The following PPARGC1A variants were observed in gnomAD, a reference collection of about 807,000 sequenced individuals.
The protein encoded by PPARGC1A is PPARG coactivator 1 alpha, also known as peroxisome proliferator-activated receptor gamma coactivator 1-alpha.
Under a neutral mutation model 88.7 loss-of-function variants are expected in PPARGC1A, and 25 were observed. The ratio of observed to expected loss-of-function variants is 0.28; its 90% CI spans 0.21 to 0.39. PPARGC1A has a LOEUF of 0.39. Among genes scored for constraint, PPARGC1A ranks in the 10% least tolerant of loss-of-function variants. The pLI is 1.00. For synonymous variants in PPARGC1A, 363 were observed against 355.6 expected (o/e 1.02, Z -0.24); for missense variants, 880 against 968.7 (o/e 0.91, Z 1.22).
intron 2 of PPARGC1A, chr4:23,877,964 A>G (rs1397444303): frequency 3.3e-5 from 5 of 152,174 alleles, no homozygotes; most frequent in African/African-American, 9.7e-5. Context: ...AGTTTGTCCA[A>G]TGCAGCACCC....
intron 2 of PPARGC1A, among the ~76,000 whole-genome samples, chr4:23,837,986 T>C (rs1726344865): frequency 6.6e-6 from 1 of 152,212 alleles, no homozygotes; most frequent in Non-Finnish European, 1.5e-5. Flanking sequence ...AGTCAAAATT[T>C]AAAGAAAACT....
the PPARGC1A span, among the ~76,000 whole-genome samples, chr4:24,063,553 A>G: frequency 6.6e-6 from 1 of 152,206 alleles, no homozygotes; most frequent in Admixed American, 6.5e-5. Context: ...CTCAGCCGAC[A>G]TCCCAGGTTC....
chr4:23,814,027 C>T lies in PPARGC1A; in HGVS notation c.1456G>A (p.Asp486Asn), dbSNP rs547916756. The T allele has an allele frequency of 1.5e-5, 25 of 1,614,044 alleles. No homozygotes were observed. The Middle Eastern group carries it at 5.0e-4, about 32-fold the overall frequency. Residue 486 changes from aspartate (D) to asparagine (N), a missense_variant, in exon 8 of 13, where the codon GAC becomes AAC. By Grantham distance (23) the Asp-to-Asn change is conservative. Transcript: ENST00000264867. ...AATTGTTCATTACTGAAATCACTGT[C>T]CCTCAGTTCACCGGTCTTGTCTGCT... ...DEADKTGELR[D>N]SDFSNEQFSK...
the PPARGC1A span, among the ~76,000 whole-genome samples, chr4:24,373,316 G>A: frequency 6.6e-6 from 1 of 152,192 alleles, no homozygotes; most frequent in South Asian, 2.1e-4. Flanking sequence ...AGCTTTGGCA[G>A]GGCCATGGAA....
At chr4:24,135,177 T>C in the PPARGC1A span, among the ~76,000 whole-genome samples, 1 of 152,114 alleles carries the variant, frequency 6.6e-6, no homozygotes, top group African/African-American at 2.4e-5. Context: ...TAAACCAAAA[T>C]GGCTATCCTA....
At chr4:23,998,311 A>G in the PPARGC1A span, among the ~76,000 whole-genome samples, 1 of 152,218 alleles carries the variant, frequency 6.6e-6, no homozygotes, top group Non-Finnish European at 1.5e-5. Flanking sequence ...TCTTTTTAAG[A>G]TTTATGTAAT....
At chr4:24,187,339 C>T in the PPARGC1A span, among the ~76,000 whole-genome samples, 1 of 151,730 alleles carries the variant, frequency 6.6e-6, no homozygotes, top group East Asian at 1.9e-4. Context: ...GATAAAAACA[C>T]TGAGGTGCTG....
At chr4:24,304,802 AAG>A in the PPARGC1A span, among the ~76,000 whole-genome samples, 6 of 152,168 alleles carry the variant, frequency 3.9e-5, no homozygotes, top group Admixed American at 2.0e-4. Flanking sequence ...CATTATAAGG[AAG>A]GTATATATCT....
chr4:24,337,762 C>A, the PPARGC1A span, among the ~76,000 whole-genome samples: 1 of 151,690 alleles, frequency 6.6e-6, no homozygotes, highest in South Asian at 2.1e-4. Flanking sequence ...TAAGAAAGGG[C>A]GAAACCAAAT....
the PPARGC1A span, among the ~76,000 whole-genome samples, chr4:23,959,339 T>C: frequency 3.3e-5 from 5 of 152,180 alleles, no homozygotes; most frequent in African/African-American, 1.2e-4. Context: ...CGTGCAGGCA[T>C]CAAATCCAAG....
the PPARGC1A span, among the ~76,000 whole-genome samples, chr4:24,409,978 G>A: frequency 2.6e-5 from 4 of 152,154 alleles, no homozygotes; most frequent in Non-Finnish European, 5.9e-5. Flanking sequence ...AACCAAAGAG[G>A]TTAGCAAGCC....
chr4:23,892,441 A>ATAT (rs1553904652), upstream of PPARGC1A, among the ~76,000 whole-genome samples: 3 of 150,392 alleles, frequency 2.0e-5, no homozygotes, highest in African/African-American at 7.3e-5. Flanking sequence ...TTTCCACGAT[A>ATAT]TTTTTTTTTT....
At chr4:24,411,766 GA>G in the PPARGC1A span, among the ~76,000 whole-genome samples, 1 of 152,058 alleles carries the variant, frequency 6.6e-6, no homozygotes, top group Non-Finnish European at 1.5e-5. Flanking sequence ...TGGAATCACA[GA>G]GTATGCAGCC....
At chr4:24,427,592 C>A in the PPARGC1A span, among the ~76,000 whole-genome samples, 1 of 152,126 alleles carries the variant, frequency 6.6e-6, no homozygotes, top group African/African-American at 2.4e-5. Context: ...TGGAGACCTG[C>A]CCAACGGTGC....
the PPARGC1A span, among the ~76,000 whole-genome samples, chr4:24,291,998 C>T: frequency 1.3e-5 from 2 of 152,132 alleles, no homozygotes; most frequent in Non-Finnish European, 2.9e-5. Flanking sequence ...GCACAGAAAA[C>T]CTGCGAGAGT....
At chr4:24,098,159 T>C in the PPARGC1A span, among the ~76,000 whole-genome samples, 8 of 152,224 alleles carry the variant, frequency 5.3e-5, no homozygotes, top group African/African-American at 1.9e-4. Flanking sequence ...ATACAGATTC[T>C]GTACTCAGGT....
At chr4:24,409,577 T>TA in the PPARGC1A span, among the ~76,000 whole-genome samples, 1 of 152,222 alleles carries the variant, frequency 6.6e-6, no homozygotes, top group Admixed American at 6.5e-5. Flanking sequence ...CTGACAATAT[T>TA]ATATCACTAT....
chr4:23,825,074 A>T (rs183614510), intron 5 of PPARGC1A: 1 of 154,502 alleles, frequency 6.5e-6, no homozygotes, highest in African/African-American at 2.4e-5. Context: ...AATCTGATAG[A>T]CAACTAAAGT....
the PPARGC1A span, among the ~76,000 whole-genome samples, chr4:24,384,907 C>T: frequency 1.3e-5 from 2 of 152,310 alleles, no homozygotes; most frequent in African/African-American, 4.8e-5. Flanking sequence ...TAGACATTTA[C>T]AGAATTCTCC....
Sources: gnomAD v4.1 joint callset for allele counts (sites outside exome capture counted in the v4.1 genomes callset) on GRCh38, gnomAD v4.1.1 for gene constraint, MANE v1.5 for transcripts, NCBI Gene and HGNC (gene_info 2026-07-23, HGNC 2026-07-21) for gene names.